Variants in HDAC5 observed in about 807,000 individuals in gnomAD.
The protein encoded by HDAC5 is antigen NY-CO-9.
A neutral mutation model predicts 133.3 loss-of-function variants in HDAC5; 25 were observed. The observed-to-expected ratio is 0.19, with a 90% CI of 0.14 to 0.26. HDAC5 has a LOEUF of 0.26. Among genes scored for constraint, HDAC5 ranks in the 10% least tolerant of loss-of-function variants. HDAC5 has a pLI of 1.00. For synonymous variants in HDAC5, 589 were observed against 610.8 expected, an observed-to-expected ratio of 0.96 and a Z score of 0.53; for missense variants, 1,041 against 1,460.5, an observed-to-expected ratio of 0.71 and a Z score of 4.68.
chr17:44,081,378 T>C (rs572772532), intron 20 of HDAC5, among the ~76,000 whole-genome samples: 1 of 151,106 alleles, frequency 6.6e-6, no homozygotes, highest in South Asian at 2.1e-4. Context: ...GCCTCCCGAG[T>C]AGCTGGGATT....
At chr17:44,104,735 G>C (rs1251977679) in intron 3 of HDAC5, among the ~76,000 whole-genome samples, 3 of 152,176 alleles carry the variant, frequency 2.0e-5, no homozygotes, top group African/African-American at 7.2e-5. Flanking sequence ...CAAGTTTTGG[G>C]CCTTGCTCTC....
intron 3 of HDAC5, among the ~76,000 whole-genome samples, chr17:44,110,522 C>T (rs1039180068): frequency 6.6e-6 from 1 of 152,174 alleles, no homozygotes; most frequent in Non-Finnish European, 1.5e-5. Flanking sequence ...CAGAGTACAG[C>T]GGAGGGGCAC....
At position 44,087,650 on chromosome 17, in the gene HDAC5, G is replaced by A. The variant is rs1039799643; in HGVS notation, c.1646C>T (p.Pro549Leu). ...GELPRQPTTH[P>L]EETEEELTEQ... ...CGTCAGCTCCTCCTCTGTCTCCTCA[G>A]GGTGGGTGGTGGGCTGCCTGGGCAG... The change falls in exon 13 of 27, where the codon CCT becomes CTT. Residue 549 changes from proline to leucine, a missense_variant. This residue lies in a region of HDAC5 where 433 missense variants were observed against 531.6 expected (regional missense o/e 0.81). Coordinates refer to ENST00000682912, the MANE Select transcript of HDAC5 (RefSeq NM_005474.5). The A allele has an allele frequency of 1.9e-6, 3 of 1,611,660 alleles. No individual in the cohort carries two copies. The highest frequency in any genetic ancestry group is 3.3e-5 in the Admixed American group (2 of 59,930).
intron 11 of HDAC5, among the ~76,000 whole-genome samples, chr17:44,089,931 C>CATA (rs2050859146): frequency 2.3e-5 from 2 of 86,602 alleles, no homozygotes; most frequent in African/African-American, 1.0e-4. Context: ...GATTCTGTCT[C>CATA]AAAAAAAAAA....
At chr17:44,094,726 GTA>G (rs1027033077) in intron 3 of HDAC5, among the ~76,000 whole-genome samples, 11 of 142,340 alleles carry the variant, frequency 7.7e-5, no homozygotes, top group East Asian at 6.4e-4. Flanking sequence ...GTGTGTGTGT[GTA>G]TATATATGTG....
At chr17:44,100,344 G>A (rs2051514487) in intron 3 of HDAC5, among the ~76,000 whole-genome samples, 1 of 152,004 alleles carries the variant, frequency 6.6e-6, no homozygotes, top group African/African-American at 2.4e-5. Context: ...TCCCCCTAGA[G>A]AAGCCCTGGG....
chr17:44,087,832 A>G (rs936677657), intron 12 of HDAC5, 136 bp from the exon 13 acceptor site: 26 of 1,090,442 alleles, frequency 2.4e-5, no homozygotes, highest in Middle Eastern at 3.2e-4. Flanking sequence ...AAGGTGAGGT[A>G]GCTCCTCTGA....
chr17:44,078,710 C>T (rs780400006), intron 25 of HDAC5, 45 bp from the exon 26 acceptor site: 1 of 1,607,638 alleles, frequency 6.2e-7, no homozygotes. Context: ...GCAGAGGACA[C>T]CCACATGAAC....
chr17:44,098,097 A>G (rs2051378919), intron 3 of HDAC5, among the ~76,000 whole-genome samples: 1 of 152,248 alleles, frequency 6.6e-6, no homozygotes, highest in Non-Finnish European at 1.5e-5. Context: ...CCAGGTAGCA[A>G]CCTGCTCCAC....
chr17:44,104,220 G>A (rs544995312), intron 3 of HDAC5, among the ~76,000 whole-genome samples: 8 of 151,904 alleles, frequency 5.3e-5, no homozygotes, highest in Non-Finnish European at 1.0e-4. Context: ...CAGGAGAATC[G>A]CTTGAACCCA....
rs201437737 is a variant in HDAC5 at position 44,117,444 on chromosome 17, T to G, written c.22+50A>C. 3.7e-5 allele frequency: 59 copies of G among 1,606,510 alleles called. No individual in the cohort carries two copies. The African/African-American group carries it at 6.3e-4, about 17-fold the overall frequency. ...TGGAAGGGAAACCCACACAGCCCAT[T>G]GCATCCGAAGCTACCCCAGGGTGCT... is the stretch of plus-strand genomic sequence containing the variant. On this transcript the variant is annotated intron_variant, in intron 2 of 26. Transcript: ENST00000682912. The surrounding 1 kb of genome is among the most constrained non-coding windows in gnomAD (Gnocchi z 4.2).
rs773639646 is a variant in HDAC5, at chr17:44,087,586, G to A, written c.1710C>T (p.Thr570=). ...QEVLLGEGAL[T]MPREGSTESE... ...TCTCTGTGGAGCCCTCCCGGGGCAT[G>A]GTCAGGGCTCCCTCCCCCAGCAAGA... Residue 570 remains threonine, a synonymous_variant, in exon 13 of 27, where the codon ACC becomes ACT. Coordinates refer to ENST00000682912, the MANE Select transcript of HDAC5 (RefSeq NM_005474.5). 7 of 1,614,104 alleles carry A rather than the reference G, an allele frequency of 4.3e-6. No individual in the cohort carries two copies. The highest frequency in any genetic ancestry group is 5.1e-6 in the Non-Finnish European group (6 of 1,179,996).
At chr17:44,105,785 AC>A (rs1199598917) in intron 3 of HDAC5, among the ~76,000 whole-genome samples, 1 of 151,926 alleles carries the variant, frequency 6.6e-6, no homozygotes, top group Non-Finnish European at 1.5e-5. Context: ...GAGTCCCAAG[AC>A]CCACTAAGGC....
intron 13 of HDAC5, among the ~76,000 whole-genome samples, chr17:44,087,076 G>T (rs1012622401): frequency 2.0e-5 from 3 of 151,796 alleles, no homozygotes; most frequent in African/African-American, 7.3e-5. Flanking sequence ...GAGGCAGACA[G>T]TAGTAACAGC....
chr17:44,092,463 A>T lies in HDAC5; in HGVS notation c.837T>A (p.Ser279Arg). The change falls in exon 8 of 27, where the codon AGT becomes AGA. Residue 279 changes from serine (S) to arginine (R), a missense_variant. Ser to Arg is a moderately radical substitution (Grantham distance 110). This residue lies in a region of HDAC5 where 433 missense variants were observed against 531.6 expected (regional missense o/e 0.81). Transcript: ENST00000682912. Reference protein sequence around the residue: ...LKQKVAERRSSPLLRRKDGTV... With the variant: ...LKQKVAERRSRPLLRRKDGTV... ...TCCCATCCTTGCGACGCAGGAGGGG[A>T]CTGCTTCTCCGCTCAGCCACCTTCT... 6.2e-7 allele frequency: 1 copy of T among 1,613,872 alleles called. No homozygotes were observed. Among genetic ancestry groups the T allele is most frequent in the Non-Finnish European group, 8.5e-7 (1 of 1,179,940 alleles).
At chr17:44,104,999 G>A (rs1370124542) in intron 3 of HDAC5, among the ~76,000 whole-genome samples, 1 of 152,258 alleles carries the variant, frequency 6.6e-6, no homozygotes. Flanking sequence ...AGGAAAGTGA[G>A]GCCAGAGAAG....
At position 44,117,559 on chromosome 17, in the gene HDAC5, G is replaced by A. The variant is rs781646868; in HGVS notation, c.-44C>T. On this transcript the variant is annotated 5_prime_UTR_variant, in exon 2 of 27. Transcript: ENST00000682912. The surrounding 1 kb of genome is among the most constrained non-coding windows in gnomAD (Gnocchi z 4.2). ...GGAAGCTGGCGTTGGGGGCTGGGACGGGAGGGGGTGGAGCTGCGGTGATGT... is the reference window on the plus strand; with the variant it reads ...GGAAGCTGGCGTTGGGGGCTGGGACAGGAGGGGGTGGAGCTGCGGTGATGT... 1.7e-5 allele frequency: 27 copies of A among 1,607,350 alleles called. No individual in the cohort carries two copies. The highest frequency in any genetic ancestry group is 5.0e-5 in the Admixed American group (3 of 59,986).
At chr17:44,094,409 G>T (rs895697931) in intron 3 of HDAC5, among the ~76,000 whole-genome samples, 3 of 151,994 alleles carry the variant, frequency 2.0e-5, no homozygotes, top group Non-Finnish European at 4.4e-5. Flanking sequence ...AGGCTGAGGC[G>T]GGTAGATCAC....
rs1388124213 is a variant in HDAC5 at position 44,093,725 on chromosome 17, G to A, written c.204C>T (p.Asp68=). Residue 68 remains aspartate (D), a synonymous_variant, in exon 4 of 27, where the codon GAC becomes GAT. Transcript: ENST00000682912. ...ELRGALVGSV[D]PTLREQQLQQ... Reference sequence around the variant, plus strand: ...GCAGTTGCTGCTCCCGCAGTGTGGGGTCCACAGAGCCCACCAGAGCCCCCC... The same window carrying A: ...GCAGTTGCTGCTCCCGCAGTGTGGGATCCACAGAGCCCACCAGAGCCCCCC... 3 of 1,605,016 alleles carry A rather than the reference G, an allele frequency of 1.9e-6. No individual in the cohort carries two copies. Among genetic ancestry groups the A allele is most frequent in the Non-Finnish European group, 2.6e-6 (3 of 1,175,956 alleles).
Sources: allele counts gnomAD v4.1 joint callset (sites outside exome capture counted in the v4.1 genomes callset), GRCh38; gene constraint gnomAD v4.1.1; regional missense constraint gnomAD v4.1.1; non-coding constraint Gnocchi (gnomAD v3.1); transcripts MANE v1.5; gene names NCBI Gene and HGNC (gene_info 2026-07-23, HGNC 2026-07-21).